Variants in RASA3 observed in about 807,000 individuals in gnomAD.
The protein encoded by RASA3 is ras GTPase-activating protein 3.
In RASA3, 73 loss-of-function variants were observed where a neutral mutation model predicts 110.0. The observed-to-expected ratio is 0.66, with a 90% CI of 0.55 to 0.81. The LOEUF is 0.81. Among genes scored for constraint, RASA3 ranks in the 30% least tolerant of loss-of-function variants. The pLI is 0.00. For missense variants in RASA3, 976 were observed against 1,113.2 expected (o/e 0.88, Z 1.75); for synonymous variants, 500 against 451.4 (o/e 1.11, Z -1.37).
intron 4 of RASA3, among the ~76,000 whole-genome samples, chr13:114,030,533 C>A (rs138136911): frequency 8.1e-6 from 1 of 123,806 alleles, no homozygotes; most frequent in Non-Finnish European, 1.9e-5. Flanking sequence ...AAGACTCACA[C>A]AGAGGGCAAG....
At chr13:114,103,459 C>G (rs1348936245) in intron 1 of RASA3, among the ~76,000 whole-genome samples, 1 of 152,042 alleles carries the variant, frequency 6.6e-6, no homozygotes, top group Non-Finnish European at 1.5e-5. Flanking sequence ...ACGGGGGACA[C>G]AGAACCAAGC....
intron 2 of RASA3, among the ~76,000 whole-genome samples, chr13:114,054,747 C>T (rs1224618117): frequency 2.0e-5 from 3 of 152,246 alleles, no homozygotes; most frequent in Non-Finnish European, 4.4e-5. Flanking sequence ...TCAATGAAGG[C>T]AGAATGCTCA....
At chr13:114,040,444 C>T (rs1227509025) in intron 4 of RASA3, among the ~76,000 whole-genome samples, 121 of 66,798 alleles carry the variant, frequency 1.8e-3, no homozygotes, top group African/African-American at 8.0e-3. Flanking sequence ...CACAAGCGGG[C>T]GAACACGCAC....
chr13:113,981,863 G>A lies in RASA3; in HGVS notation c.2246-5C>T, dbSNP rs768557953. The stretch of plus-strand genomic sequence containing the variant: ...CAGATTTGCTCCCACAGGCCTCTGT[G>A]GAGGGCGGAGGGGTCAGCGCAGGGC... On this transcript the variant is annotated splice_polypyrimidine_tract_variant and splice_region_variant and intron_variant, in intron 22 of 23. Transcript: ENST00000334062. The A allele has an allele frequency of 2.5e-6, 4 of 1,612,720 alleles. No homozygotes were observed. The highest frequency in any genetic ancestry group is 1.7e-4 in the Middle Eastern group (1 of 6,030).
chr13:114,035,293 G>A (rs2054258513), intron 4 of RASA3, among the ~76,000 whole-genome samples: 1 of 152,242 alleles, frequency 6.6e-6, no homozygotes, highest in African/African-American at 2.4e-5. Context: ...GAGAGGACCT[G>A]GCTGCCGACC....
rs115417402 is a variant in RASA3, at chr13:114,056,725, T to G, written c.174-4570A>C. ...CAGAAATCCATTCAATAAAAAGAGA[T>G]AAAAATAGCAGAAAGAGGAAGCTAC... is the stretch of plus-strand genomic sequence containing the variant. On this transcript the variant is annotated intron_variant, in intron 2 of 23. Coordinates refer to ENST00000334062, the MANE Select transcript of RASA3 (RefSeq NM_007368.4). The surrounding 1 kb of genome is among the most constrained non-coding windows in gnomAD (Gnocchi z 5.7). 4.3e-6 allele frequency: 4 copies of G among 935,832 alleles called. No individual in the cohort carries two copies. Among genetic ancestry groups the G allele is most frequent in the Non-Finnish European group, 5.1e-6 (4 of 784,900 alleles). 58.0% of individuals were successfully genotyped at this position (935,832 alleles called of 1,614,324 possible). A position where few individuals can be genotyped will look rare whatever the true frequency, so the allele number is the denominator to read the frequency against.
chr13:114,079,114 G>T (rs557596397), intron 1 of RASA3, among the ~76,000 whole-genome samples: 1 of 152,250 alleles, frequency 6.6e-6, no homozygotes, highest in Non-Finnish European at 1.5e-5. Context: ...CCACGGGTGA[G>T]GACGAGGGCC....
rs568654324 is a variant in RASA3 at position 114,011,406 on chromosome 13, G to A, written c.1513-158C>T. 3.3e-5 allele frequency among the ~76,000 whole-genome samples: 5 copies of A among 152,168 alleles called. No homozygotes were observed. Among genetic ancestry groups the A allele is most frequent in the East Asian group, 1.9e-4 (1 of 5,180 alleles). On this transcript the variant is annotated intron_variant, in intron 15 of 23. Transcript: ENST00000334062. The surrounding 1 kb of genome is among the most constrained non-coding windows in gnomAD (Gnocchi z 4.8). ...GGTAGCGACGCAGATGGGACTGGAG[G>A]GGGTGGGCGTCCCACAGTCTCAGGA... is the stretch of plus-strand genomic sequence containing the variant.
intron 15 of RASA3, 86 bp downstream of exon 15, chr13:114,013,056 G>T: frequency 1.8e-6 from 2 of 1,105,530 alleles, no homozygotes; most frequent in Non-Finnish European, 2.6e-6. Context: ...CACACGGTCG[G>T]CCCCCTACAG....
At chr13:114,130,283 C>T (rs772267248) in intron 1 of RASA3, among the ~76,000 whole-genome samples, 2 of 152,188 alleles carry the variant, frequency 1.3e-5, no homozygotes, top group African/African-American at 2.4e-5. Flanking sequence ...GGAGAGGAAA[C>T]GGGGACTTCT....
At chr13:113,993,271 G>C (rs1368634083) in intron 21 of RASA3, among the ~76,000 whole-genome samples, 2 of 152,070 alleles carry the variant, frequency 1.3e-5, no homozygotes, top group African/African-American at 2.4e-5. Flanking sequence ...CGCTTTCTGG[G>C]TTTAAGCGAT....
At chr13:114,093,893 C>A (rs2079915117) in intron 1 of RASA3, among the ~76,000 whole-genome samples, 1 of 151,774 alleles carries the variant, frequency 6.6e-6, no homozygotes, top group South Asian at 2.1e-4. Context: ...CTAAGATTTC[C>A]ATTTGATTTT....
Position 114,057,244 on chromosome 13 carries a change from C to T in RASA3, c.174-5089G>A, listed in dbSNP as rs573206822. The T allele has an allele frequency of 9.5e-5, 94 of 985,372 alleles. No individual in the cohort carries two copies. Among genetic ancestry groups the T allele is most frequent in the Admixed American group, 6.1e-4 (10 of 16,280 alleles). 61.0% of individuals were successfully genotyped at this position (985,372 alleles called of 1,614,324 possible). A position where few individuals can be genotyped will look rare whatever the true frequency, so the allele number is the denominator to read the frequency against. ...AAGTTATTACTAACTTTGTTTCCTG[C>T]GGGTCACCTCAAGTCTTTCAGGAAA... On this transcript the variant is annotated intron_variant, in intron 2 of 23. Transcript: ENST00000334062. This position sits in a 1 kb window ranked among gnomAD's most constrained non-coding sequence, Gnocchi z 5.0.
intron 3 of RASA3, among the ~76,000 whole-genome samples, chr13:114,046,394 G>T (rs1477566872): frequency 1.3e-5 from 2 of 152,214 alleles, no homozygotes; most frequent in Non-Finnish European, 2.9e-5. Flanking sequence ...CACGGGCGGG[G>T]TGTTGACAGT....
At chr13:114,092,212 G>T (rs2079897280) in intron 1 of RASA3, among the ~76,000 whole-genome samples, 1 of 151,822 alleles carries the variant, frequency 6.6e-6, no homozygotes, top group Non-Finnish European at 1.5e-5. Context: ...ACTAATTTGG[G>T]GGTTGGCTTC....
intron 2 of RASA3, among the ~76,000 whole-genome samples, chr13:114,063,208 G>A (rs61973910): frequency 0.14 from 20,556 of 151,796 alleles, 1,790 homozygotes; most frequent in Middle Eastern, 0.22. Flanking sequence ...TTTTAAATAC[G>A]TAAAAAAATC....
At chr13:114,128,178 T>C (rs1029436752) in intron 1 of RASA3, among the ~76,000 whole-genome samples, 1 of 152,234 alleles carries the variant, frequency 6.6e-6, no homozygotes, top group African/African-American at 2.4e-5. Flanking sequence ...CCAAGGCCCA[T>C]GTGTGGCCAC....
chr13:114,110,679 C>G (rs1268972074), intron 1 of RASA3, among the ~76,000 whole-genome samples: 2 of 152,254 alleles, frequency 1.3e-5, no homozygotes, highest in African/African-American at 4.8e-5. Context: ...TGAGGACCGA[C>G]AGCCCCTCCT....
chr13:114,030,892 T>A (rs1461138673), intron 4 of RASA3, among the ~76,000 whole-genome samples: 1 of 151,728 alleles, frequency 6.6e-6, no homozygotes, highest in Non-Finnish European at 1.5e-5. Context: ...TGCGTGCAAC[T>A]GTGTGTGTCT....
Sources: gnomAD v4.1 joint callset for allele counts (sites outside exome capture counted in the v4.1 genomes callset) on GRCh38, gnomAD v4.1.1 for gene constraint, Gnocchi (gnomAD v3.1) non-coding constraint, MANE v1.5 for transcripts, NCBI Gene and HGNC (gene_info 2026-07-23, HGNC 2026-07-21) for gene names.